Variants in SASH1 observed in about 807,000 individuals in gnomAD.
SASH1 encodes the protein SAM and SH3 domain-containing protein 1.
Under a neutral mutation model 125.2 loss-of-function variants are expected in SASH1, and 44 were observed. That is an observed-to-expected ratio of 0.35 (90% CI 0.28 to 0.45). SASH1 has a LOEUF of 0.45. Among genes scored for constraint, SASH1 ranks in the 20% least tolerant of loss-of-function variants. The pLI is 1.00. For missense variants in SASH1, 1,426 were observed against 1,614.5 expected, an observed-to-expected ratio of 0.88 and a Z score of 2.00; for synonymous variants, 639 against 649.1, an observed-to-expected ratio of 0.98 and a Z score of 0.24.
At chr6:148,445,794 T>C (rs369536185) in intron 4 of SASH1, among the ~76,000 whole-genome samples, 13 of 152,306 alleles carry the variant, frequency 8.5e-5, no homozygotes, top group African/African-American at 2.9e-4. Context: ...CACATTCCAG[T>C]GTGTGCCACT....
intron 16 of SASH1, among the ~76,000 whole-genome samples, chr6:148,537,776 CTGTGTGTGTG>C (rs55644027): frequency 0.054 from 6,799 of 125,578 alleles, 249 homozygotes; most frequent in African/African-American, 0.1. Context: ...TTAGCATATT[CTGTGTGTGTG>C]TGTGTGTGTG....
chr6:148,387,401 C>T (rs976070481), intron 1 of SASH1, among the ~76,000 whole-genome samples: 3 of 151,590 alleles, frequency 2.0e-5, no homozygotes, highest in African/African-American at 4.8e-5. Context: ...CGTGAGCCAC[C>T]GCACCCGGCC....
At chr6:148,201,037 G>C in the SASH1 span, among the ~76,000 whole-genome samples, 1 of 152,094 alleles carries the variant, frequency 6.6e-6, no homozygotes, top group African/African-American at 2.4e-5. Context: ...ATTCAATATA[G>C]AGTCTACATT....
At chr6:148,251,762 C>T in the SASH1 span, among the ~76,000 whole-genome samples, 1 of 151,442 alleles carries the variant, frequency 6.6e-6, no homozygotes, top group Non-Finnish European at 1.5e-5. Flanking sequence ...ATACATGTGC[C>T]ATACTAGTGT....
intron 16 of SASH1, among the ~76,000 whole-genome samples, chr6:148,537,831 T>TGTGTGTGTGG (rs1491316465): frequency 3.0e-5 from 4 of 132,604 alleles, no homozygotes; most frequent in Non-Finnish European, 4.9e-5. Flanking sequence ...TGTGTGTGTG[T>TGTGTGTGTGG]GGTTGGTGAG....
intron 1 of SASH1, among the ~76,000 whole-genome samples, chr6:148,350,402 A>G (rs931346182): frequency 1.4e-4 from 22 of 152,240 alleles, no homozygotes; most frequent in African/African-American, 5.1e-4. Context: ...GGGAATTATT[A>G]TTTATAACAA....
chr6:148,231,117 A>G, the SASH1 span, among the ~76,000 whole-genome samples: 4 of 152,182 alleles, frequency 2.6e-5, no homozygotes, highest in Non-Finnish European at 4.4e-5. Flanking sequence ...TAGCTCATAT[A>G]TTTGTGTCTA....
chr6:148,350,733 G>A (rs1050002650), intron 1 of SASH1, among the ~76,000 whole-genome samples: 1 of 152,198 alleles, frequency 6.6e-6, no homozygotes, highest in Non-Finnish European at 1.5e-5. Context: ...GAATCTAAAT[G>A]GACAGAGACT....
chr6:148,450,722 G>A (rs888719571), intron 4 of SASH1, among the ~76,000 whole-genome samples: 1 of 149,934 alleles, frequency 6.7e-6, no homozygotes, highest in Non-Finnish European at 1.5e-5. Flanking sequence ...ACTCATTGAG[G>A]TATATATTAT....
chr6:148,543,670 T>C lies in SASH1; in HGVS notation c.2210-10T>C. 1 of 1,520,308 alleles carries C rather than the reference T, an allele frequency of 6.6e-7. No individual in the cohort carries two copies. Among genetic ancestry groups the C allele is most frequent in the Non-Finnish European group, 8.8e-7 (1 of 1,135,190 alleles). The allele number at this position is 1,520,308 out of a possible 1,614,324, so 94.2% of individuals were successfully genotyped here. A position where few individuals can be genotyped will look rare whatever the true frequency, so the allele number is the denominator to read the frequency against. On this transcript the variant is annotated splice_polypyrimidine_tract_variant and intron_variant, in intron 17 of 19. Transcript: ENST00000367467. ...AAAATGTGATTGTAAAATATTCCCT[T>C]GTCTCACAGGCAAGACTCGGAAAGC...
intron 4 of SASH1, among the ~76,000 whole-genome samples, chr6:148,461,291 T>G (rs912753191): frequency 2.0e-5 from 3 of 152,162 alleles, no homozygotes; most frequent in African/African-American, 7.2e-5. Flanking sequence ...CCTTGTTCAT[T>G]TATAAAGGTG....
chr6:148,483,349 C>T (rs561935927), intron 7 of SASH1, among the ~76,000 whole-genome samples: 3 of 152,224 alleles, frequency 2.0e-5, no homozygotes, highest in African/African-American at 7.2e-5. Context: ...TTAAACTATT[C>T]TTAAGGGATC....
the SASH1 span, among the ~76,000 whole-genome samples, chr6:148,258,620 T>G: frequency 6.6e-6 from 1 of 152,136 alleles, no homozygotes; most frequent in Non-Finnish European, 1.5e-5. Flanking sequence ...CCCCTTATAT[T>G]GAAAAGGGAA....
At chr6:148,224,509 T>C in the SASH1 span, among the ~76,000 whole-genome samples, 7 of 152,134 alleles carry the variant, frequency 4.6e-5, no homozygotes, top group East Asian at 1.4e-3. Context: ...TACAGGTGCC[T>C]GCCACCACCT....
intron 2 of SASH1, among the ~76,000 whole-genome samples, chr6:148,391,714 A>G (rs2114834191): frequency 6.6e-6 from 1 of 152,360 alleles, no homozygotes; most frequent in African/African-American, 2.4e-5. Flanking sequence ...GTATACTAGT[A>G]GTTCAAAATT....
intron 6 of SASH1, among the ~76,000 whole-genome samples, chr6:148,472,473 A>G (rs958945526): frequency 6.6e-6 from 1 of 151,206 alleles, no homozygotes; most frequent in East Asian, 1.9e-4. Context: ...TCTAAAGCTA[A>G]GGGAAAGGGA....
intron 4 of SASH1, among the ~76,000 whole-genome samples, chr6:148,455,485 A>G (rs772281937): frequency 6.6e-5 from 10 of 152,136 alleles, no homozygotes; most frequent in South Asian, 2.1e-4. Flanking sequence ...CAACATCAGA[A>G]GGGGAAGGAC....
chr6:148,545,344 TATAAA>T (rs1266050735), intron 18 of SASH1, among the ~76,000 whole-genome samples: 1 of 152,190 alleles, frequency 6.6e-6, no homozygotes, highest in Non-Finnish European at 1.5e-5. Flanking sequence ...AGTCCTTTAT[TATAAA>T]ATTCTCATGA....
At chr6:148,349,829 G>A (rs1168557687) in intron 1 of SASH1, among the ~76,000 whole-genome samples, 1 of 151,388 alleles carries the variant, frequency 6.6e-6, no homozygotes, top group Non-Finnish European at 1.5e-5. Context: ...GATGTCGTAT[G>A]CCTTGTGATT....
Sources: allele counts gnomAD v4.1 joint callset (sites outside exome capture counted in the v4.1 genomes callset), GRCh38; gene constraint gnomAD v4.1.1; transcripts MANE v1.5; gene names NCBI Gene and HGNC (gene_info 2026-07-23, HGNC 2026-07-21).